The following ZNF607 variants were observed in gnomAD, a reference collection of about 807,000 sequenced individuals.
The protein encoded by ZNF607 is zinc finger protein 607.
Under a neutral mutation model 12.8 loss-of-function variants are expected in ZNF607, and 5 were observed. The ratio of observed to expected loss-of-function variants is 0.39; its 90% confidence interval spans 0.20 to 0.82. The LOEUF is 0.82. Among genes scored for constraint, ZNF607 ranks in the 40% least tolerant of loss-of-function variants. ZNF607 has a pLI of 0.39. For synonymous variants in ZNF607, 287 were observed against 276.2 expected, an observed-to-expected ratio of 1.04 and a Z score of -0.39; for missense variants, 851 against 859.2, an observed-to-expected ratio of 0.99 and a Z score of 0.12.
Position 37,703,903 on chromosome 19 carries a change from G to A in ZNF607, c.236-4008C>T, listed in dbSNP as rs185156758. On this transcript the variant is annotated intron_variant, in intron 4 of 4. Transcript: ENST00000355202. ...TGTAATCCCAACACTTTGGGAGGCC[G>A]AGGTGGGCAGATCATGAGGTCAGGA... 3.9e-5 allele frequency among the ~76,000 whole-genome samples: 6 copies of A among 152,298 alleles called. No homozygotes were observed. The East Asian group carries it at 5.8e-4, about 15-fold the overall frequency.
In ZNF607 at chr19:37,699,873, T is replaced by A. The variant is rs1568403460; in HGVS notation, c.258A>T (p.Ile86=). The A allele has an allele frequency of 1.3e-6, 2 of 1,592,190 alleles. No homozygotes were observed. Among genetic ancestry groups the A allele is most frequent in the South Asian group, 1.1e-5 (1 of 87,026 alleles). The change falls in exon 5 of 5, where the codon ATA becomes ATT. Residue 86 remains isoleucine (I), a synonymous_variant. Transcript: ENST00000355202. ...ECTDLDSRCE[I]ISDGKMQLYR... is the part of the protein sequence containing the mutation. ...AAAGCTGCATTTTCCCATCGCTGATTATTTCACATCTTGAATCCAAATCTA... is the reference window on the plus strand; with the variant it reads ...AAAGCTGCATTTTCCCATCGCTGATAATTTCACATCTTGAATCCAAATCTA...
intron 1 of ZNF607, among the ~76,000 whole-genome samples, chr19:37,712,675 T>C (rs894551838): frequency 6.6e-6 from 1 of 152,234 alleles, no homozygotes; most frequent in African/African-American, 2.4e-5. Context: ...CCCTATACTT[T>C]TGTGTGGCTC....
chr19:37,711,695 G>A lies in ZNF607; in HGVS notation c.-74-3C>T. 10 of 1,470,146 alleles carry A rather than the reference G, an allele frequency of 6.8e-6. No homozygotes were observed. In the East Asian group the frequency reaches 1.4e-4, roughly 20 times the overall value. 91.1% of individuals were successfully genotyped at this position (1,470,146 alleles called of 1,614,324 possible). A position where few individuals can be genotyped will look rare whatever the true frequency, so the allele number is the denominator to read the frequency against. ...AGCAAAGTCAAAAGAACCAAGACCT[G>A]AAAGAAGAGAAGACCTTGAGACCAG... On this transcript the variant is annotated splice_polypyrimidine_tract_variant and splice_region_variant and intron_variant, in intron 1 of 4. Transcript: ENST00000355202.
Position 37,697,698 on chromosome 19 carries a change from T to C in ZNF607, c.*342A>G, listed in dbSNP as rs1016457634. The C allele has an allele frequency of 6.5e-6, 2 of 309,226 alleles. No individual in the cohort carries two copies. Among genetic ancestry groups the C allele is most frequent in the African/African-American group, 4.3e-5 (2 of 46,168 alleles). The allele number at this position is 309,226 out of a possible 1,614,324, so 19.2% of individuals were successfully genotyped here. On this transcript the variant is annotated 3_prime_UTR_variant, in exon 5 of 5. Transcript: ENST00000355202. ...ATAAATGATTGTTGCTGGAAGATGT[T>C]TACATGCAAGTATAAAGAATGGTTT...
rs1464474591 is a variant in ZNF607, at chr19:37,709,715, A to G, written c.117T>C (p.Tyr39=). ...ACATACCCAATGAGACTAAGTTGTC[A>G]TAGTTCTCCATCATCACCTCCTGGT... ...TLYQEVMMEN[Y]DNLVSLAGHS... Residue 39 remains tyrosine (Y), a synonymous_variant, in exon 3 of 5, where the codon TAT becomes TAC. Coordinates refer to ENST00000355202, the MANE Select transcript of ZNF607 (RefSeq NM_032689.5). 6.2e-7 allele frequency: 1 copy of G among 1,613,998 alleles called. No homozygotes were observed.
rs1425726341 is a variant in ZNF607 at position 37,699,555 on chromosome 19, A to T, written c.576T>A (p.His192Gln). The change falls in exon 5 of 5, where the codon CAT (histidine) becomes CAA (glutamine). Residue 192 changes from histidine (H) to glutamine (Q), a missense_variant. By Grantham distance (24) the His-to-Gln change is conservative. Transcript: ENST00000355202. ...CTTTACATTCATAGGGTTTCTCAAC[A>T]TGAACTTTCCCATGTTGAGCAAGGT... ...PANLAQHGKV[H>Q]VEKPYECKEC... 2 of 1,614,080 alleles carry T rather than the reference A, an allele frequency of 1.2e-6. No homozygotes were observed. Among genetic ancestry groups the T allele is most frequent in the Non-Finnish European group, 1.7e-6 (2 of 1,180,012 alleles).
intron 4 of ZNF607, 68 bp downstream of exon 4, chr19:37,707,846 T>A (rs2045098496): frequency 1.7e-6 from 2 of 1,199,150 alleles, no homozygotes; most frequent in Admixed American, 2.0e-5. Flanking sequence ...GTTTACCAAA[T>A]GAGATGACCA....
At chr19:37,704,540 TAGAA>T (rs1200114457) in intron 4 of ZNF607, among the ~76,000 whole-genome samples, 10 of 152,112 alleles carry the variant, frequency 6.6e-5, no homozygotes, top group African/African-American at 2.4e-4. Context: ...AGAAGGAAAT[TAGAA>T]AGCAATCTGA....
chr19:37,711,714 A>G, intron 1 of ZNF607, 22 bp from the exon 2 acceptor site: 2 of 1,283,892 alleles, frequency 1.6e-6, no homozygotes, highest in Non-Finnish European at 2.3e-6. Flanking sequence ...GAAGACCTTG[A>G]GACCAGCTGT....
chr19:37,698,572 A>T lies in ZNF607; in HGVS notation c.1559T>A (p.Leu520His). 6.2e-7 allele frequency: 1 copy of T among 1,612,070 alleles called. No homozygotes were observed. Among genetic ancestry groups the T allele is most frequent in the South Asian group, 1.1e-5 (1 of 91,026 alleles). ...CGKAFSVSGQ[L>H]TQHLSIHSGK... ...ACTGTGAATACTCAGATGCTGAGTAAGTTGTCCAGATACACTAAAGGCCTT... is the reference window on the plus strand; with the variant it reads ...ACTGTGAATACTCAGATGCTGAGTATGTTGTCCAGATACACTAAAGGCCTT... The change falls in exon 5 of 5, where the codon CTT becomes CAT. Residue 520 changes from leucine (L) to histidine (H), a missense_variant. Leu to His is a moderately conservative substitution (Grantham distance 99). Transcript: ENST00000355202.
chr19:37,711,732 T>G, intron 1 of ZNF607, 40 bp from the exon 2 acceptor site: 1 of 1,049,880 alleles, frequency 9.5e-7, no homozygotes, highest in Non-Finnish European at 1.5e-6. Flanking sequence ...TGTGCTTTAG[T>G]GGTCCCCATA....
Position 37,696,603 on chromosome 19 carries a change from A to G in ZNF607, c.*1437T>C, listed in dbSNP as rs1013930456. 4 of 575,532 alleles carry G rather than the reference A, an allele frequency of 7.0e-6. No individual in the cohort carries two copies. The highest frequency in any genetic ancestry group is 3.8e-5 in the African/African-American group (2 of 53,108). 35.7% of individuals were successfully genotyped at this position (575,532 alleles called of 1,614,324 possible). On this transcript the variant is annotated 3_prime_UTR_variant, in exon 5 of 5. Transcript: ENST00000355202. ...TGGCCCAGTTGCCTCACGGAGGTGCAGGTAGGCTGGGGCCTCACTAGGGCA... is the reference window on the plus strand; with the variant it reads ...TGGCCCAGTTGCCTCACGGAGGTGCGGGTAGGCTGGGGCCTCACTAGGGCA...
At chr19:37,712,310 TATAA>T (rs2045139922) in intron 1 of ZNF607, among the ~76,000 whole-genome samples, 1 of 152,156 alleles carries the variant, frequency 6.6e-6, no homozygotes, top group African/African-American at 2.4e-5. Flanking sequence ...TTGTAAAATA[TATAA>T]ATACATATCC....
chr19:37,710,648 G>A (rs535549027), intron 2 of ZNF607, among the ~76,000 whole-genome samples: 52 of 152,222 alleles, frequency 3.4e-4, no homozygotes, highest in Admixed American at 7.9e-4. Flanking sequence ...CTTTCTGCCT[G>A]TTCTGGGACA....
At position 37,699,125 on chromosome 19, in the gene ZNF607, G is replaced by C; in HGVS notation, c.1006C>G (p.His336Asp). 6.2e-7 allele frequency: 1 copy of C among 1,614,118 alleles called. No individual in the cohort carries two copies. Among genetic ancestry groups the C allele is most frequent in the Non-Finnish European group, 8.5e-7 (1 of 1,180,022 alleles). ...MHQRIYSGEKHYECKENGEAF... is the reference protein window; with the variant it reads ...MHQRIYSGEKDYECKENGEAF... ...TCCCCATTTTCTTTACATTCATAGTGTTTCTCCCCTGAATAAATTCTCTGA... is the reference window on the plus strand; with the variant it reads ...TCCCCATTTTCTTTACATTCATAGTCTTTCTCCCCTGAATAAATTCTCTGA... Residue 336 changes from histidine (H) to aspartate (D), a missense_variant, in exon 5 of 5, where the codon CAC becomes GAC. By Grantham distance (81) the His-to-Asp change is moderately conservative. Coordinates refer to ENST00000355202, the MANE Select transcript of ZNF607 (RefSeq NM_032689.5).
At chr19:37,717,376 G>A (rs1003996030) in intron 1 of ZNF607, among the ~76,000 whole-genome samples, 1 of 151,718 alleles carries the variant, frequency 6.6e-6, no homozygotes, top group Non-Finnish European at 1.5e-5. Flanking sequence ...TAGTAGAGAC[G>A]GGGTTTCACC....
intron 1 of ZNF607, 27 bp downstream of exon 1, chr19:37,719,242 A>T (rs1022246811): frequency 6.5e-6 from 1 of 153,040 alleles, no homozygotes; most frequent in Admixed American, 6.5e-5. Flanking sequence ...CACGGCATGT[A>T]CAGGTCACAC....
At chr19:37,711,730 AGTG>A in intron 1 of ZNF607, 38 bp from the exon 2 acceptor site, 1 of 1,068,070 alleles carries the variant, frequency 9.4e-7, no homozygotes, top group Non-Finnish European at 1.4e-6. Context: ...GCTGTGCTTT[AGTG>A]GTCCCCATAG....
At position 37,709,772 on chromosome 19, in the gene ZNF607, C is replaced by T. The variant is rs1357599279; in HGVS notation, c.60G>A (p.Trp20Ter). 1.9e-6 allele frequency: 3 copies of T among 1,613,958 alleles called. No homozygotes were observed. Among genetic ancestry groups the T allele is most frequent in the Non-Finnish European group, 2.5e-6 (3 of 1,179,980 alleles). The stretch of plus-strand genomic sequence containing the variant: ...TCTTCTGAACCAGGCTGAGATATTC[C>T]CACTCCTGATGAGAGAAGTCTATGG... Reference protein sequence around the residue: ...DVAIDFSHQEWEYLSLVQKTL... With the variant: ...DVAIDFSHQE Residue 20 changes from tryptophan (W) to a stop codon, truncating the protein, a stop_gained, in exon 3 of 5, where the codon TGG becomes TGA. Coordinates refer to ENST00000355202, the MANE Select transcript of ZNF607 (RefSeq NM_032689.5). LOFTEE classifies it high-confidence loss of function.
Sources: allele counts gnomAD v4.1 joint callset (sites outside exome capture counted in the v4.1 genomes callset), GRCh38; gene constraint gnomAD v4.1.1; transcripts MANE v1.5; gene names NCBI Gene and HGNC (gene_info 2026-07-23, HGNC 2026-07-21).